NEBL: variants seen among roughly 807,000 people sequenced by gnomAD.
NEBL encodes nebulette.
NEBL carries 122 observed loss-of-function variants against 140.2 expected under a neutral mutation model. That is an observed-to-expected ratio of 0.87 (90% CI 0.75 to 1.01). NEBL has a LOEUF of 1.01. Ranked by LOEUF, NEBL falls within the 50% of genes least tolerant of loss-of-function variation. The probability of loss-of-function intolerance (pLI) is 0.00; values close to 1 mark genes in which losing one functional copy is unlikely to be tolerated. For missense variants in NEBL, 1,365 were observed against 1,231.3 expected (o/e 1.11, Z -1.62); for synonymous variants, 436 against 398.9 (o/e 1.09, Z -1.11).
chr10:20,949,259 A>G (rs779029273), intron 4 of NEBL, among the ~76,000 whole-genome samples: 1 of 152,162 alleles, frequency 6.6e-6, no homozygotes, highest in Non-Finnish European at 1.5e-5. Flanking sequence ...GAACACACGG[A>G]CACAGGGAGG....
intron 26 of NEBL, among the ~76,000 whole-genome samples, chr10:20,805,556 A>G (rs991231922): frequency 6.6e-6 from 1 of 152,080 alleles, no homozygotes; most frequent in Non-Finnish European, 1.5e-5. Flanking sequence ...AATGACCCCA[A>G]AGAGTCAACT....
intron 4 of NEBL, among the ~76,000 whole-genome samples, chr10:20,942,196 A>T (rs532327864): frequency 6.6e-6 from 1 of 152,354 alleles, no homozygotes; most frequent in South Asian, 2.1e-4. Flanking sequence ...CTATACTAAA[A>T]GGCTACAGTA....
intron 2 of NEBL, among the ~76,000 whole-genome samples, chr10:21,056,755 T>C (rs1456618213): frequency 1.3e-5 from 2 of 152,186 alleles, no homozygotes; most frequent in Admixed American, 1.3e-4. Context: ...AGCAAAATAC[T>C]GCGAGAAAGA....
At chr10:21,273,356 T>C (rs969325789) in intron 1 of NEBL, among the ~76,000 whole-genome samples, 1 of 152,110 alleles carries the variant, frequency 6.6e-6, no homozygotes, top group Non-Finnish European at 1.5e-5. Context: ...TTCAGGGAAA[T>C]AGATTTCATT....
chr10:21,094,499 CAAAAAAAAAAAAAAAAAAAAAAAA>C (rs72278772), intron 2 of NEBL, among the ~76,000 whole-genome samples: 1 of 63,186 alleles, frequency 1.6e-5, no homozygotes, highest in Non-Finnish European at 2.9e-5. Context: ...GACTCCGTCT[CAAAAAAAAAAAAAAAAAAAAAAAA>C]AAAAAAAAAT....
At chr10:20,995,920 C>A (rs1053940805) in intron 3 of NEBL, among the ~76,000 whole-genome samples, 1 of 148,898 alleles carries the variant, frequency 6.7e-6, no homozygotes, top group African/African-American at 2.5e-5. Flanking sequence ...TTTTCCTTTA[C>A]AGTTTATTAT....
intron 3 of NEBL, among the ~76,000 whole-genome samples, chr10:21,009,140 G>A (rs1347961792): frequency 3.3e-5 from 5 of 152,036 alleles, no homozygotes; most frequent in African/African-American, 1.2e-4. Context: ...AATTTTAATG[G>A]TTTATAAGCA....
chr10:21,281,626 A>G (rs74123936), intron 1 of NEBL, among the ~76,000 whole-genome samples: 5,237 of 151,954 alleles, frequency 0.034, 278 homozygotes, highest in African/African-American at 0.12. Flanking sequence ...GACATCCCAC[A>G]CCAGTGTGGG....
chr10:20,931,799 T>A (rs1214622672), intron 4 of NEBL, among the ~76,000 whole-genome samples: 3 of 152,192 alleles, frequency 2.0e-5, no homozygotes, highest in African/African-American at 7.2e-5. Context: ...TACATTCTTA[T>A]GTGCATCTGG....
intron 2 of NEBL, among the ~76,000 whole-genome samples, chr10:21,051,921 CAGCT>C (rs1834796638): frequency 6.6e-6 from 1 of 152,056 alleles, no homozygotes; most frequent in Admixed American, 6.6e-5. Context: ...CCTGTAGTCC[CAGCT>C]ACTCGGGAGG....
intron 3 of NEBL, among the ~76,000 whole-genome samples, chr10:21,188,404 T>C (rs541727120): frequency 1.3e-5 from 2 of 152,330 alleles, no homozygotes; most frequent in East Asian, 3.9e-4. Flanking sequence ...AAGTGTGATA[T>C]AAAAACAGTT....
At chr10:21,025,734 C>T (rs1839000088) in intron 2 of NEBL, among the ~76,000 whole-genome samples, 1 of 152,106 alleles carries the variant, frequency 6.6e-6, no homozygotes, top group Admixed American at 6.5e-5. Flanking sequence ...TGTCTACCTT[C>T]CATCTGTGTG....
chr10:21,128,698 A>G (rs1255804718), intron 2 of NEBL, among the ~76,000 whole-genome samples: 1 of 152,184 alleles, frequency 6.6e-6, no homozygotes, highest in Non-Finnish European at 1.5e-5. Context: ...CATCATCAAC[A>G]CCTTTTCCAA....
At chr10:21,188,120 C>A (rs143515076) in intron 3 of NEBL, among the ~76,000 whole-genome samples, 90 of 152,290 alleles carry the variant, frequency 5.9e-4, no homozygotes, top group African/African-American at 2.2e-3. Flanking sequence ...ACTCTCTTTA[C>A]CTACATTTCT....
intron 1 of NEBL, among the ~76,000 whole-genome samples, chr10:21,275,366 C>A (rs368568526): frequency 1.8e-3 from 280 of 152,316 alleles, no homozygotes; most frequent in African/African-American, 6.3e-3. Flanking sequence ...GAGCAACCTT[C>A]AATCACTAGA....
At chr10:21,291,504 TAAA>T (rs747203288) in intron 1 of NEBL, among the ~76,000 whole-genome samples, 3 of 116,576 alleles carry the variant, frequency 2.6e-5, no homozygotes, top group Non-Finnish European at 1.8e-5. Flanking sequence ...AGACTCTGTC[TAAA>T]AAAAAAAAAA....
At position 21,189,103 on chromosome 10, in the gene NEBL, T is replaced by C. The variant is rs1003013589; in HGVS notation, n.349-16626A>G. ...TCAATGTCCTAATCCCCAACATTTA[T>C]GGAATGGTACCTTATTCATAAAAAG... On this transcript the variant is annotated intron_variant and non_coding_transcript_variant, in intron 3 of 8. Transcript: ENST00000675702. Among the ~76,000 whole-genome samples, 18 of 152,294 alleles carry C rather than the reference T, an allele frequency of 1.2e-4. No individual in the cohort carries two copies. In the East Asian group the frequency reaches 2.7e-3, roughly 23 times the overall value.
chr10:20,970,599 T>G (rs938727163), intron 3 of NEBL, among the ~76,000 whole-genome samples: 3 of 151,830 alleles, frequency 2.0e-5, no homozygotes, highest in African/African-American at 7.3e-5. Context: ...CAGTGAGCTG[T>G]GATCATGCCA....
At chr10:21,099,663 CAT>C (rs1200573069) in intron 2 of NEBL, among the ~76,000 whole-genome samples, 1 of 152,176 alleles carries the variant, frequency 6.6e-6, no homozygotes, top group East Asian at 1.9e-4. Flanking sequence ...TGAAATATCT[CAT>C]ATGAGTGGCC....
Sources: allele counts gnomAD v4.1 joint callset (sites outside exome capture counted in the v4.1 genomes callset), GRCh38; gene constraint gnomAD v4.1.1; transcripts MANE v1.5; gene names NCBI Gene and HGNC (gene_info 2026-07-23, HGNC 2026-07-21).